The following STAP2 variants were observed in gnomAD, a reference collection of about 807,000 sequenced individuals.
The protein encoded by STAP2 is signal transducing adaptor family member 2, also known as signal-transducing adaptor protein 2.
Under a neutral mutation model 52.7 loss-of-function variants are expected in STAP2, and 58 were observed. The ratio of observed to expected loss-of-function variants is 1.10; its 90% CI spans 0.89 to 1.37. The LOEUF (loss-of-function observed/expected upper bound fraction) is 1.37, where lower values mean the gene tolerates loss of function less well. Ranked by LOEUF, STAP2 falls within the 40% of genes most tolerant of loss-of-function variation. The pLI, the probability that STAP2 is intolerant of heterozygous loss-of-function variation, is 0.00. For missense variants in STAP2, 522 were observed against 519.4 expected, an observed-to-expected ratio of 1.00 and a Z score of -0.05; for synonymous variants, 231 against 210.5, an observed-to-expected ratio of 1.10 and a Z score of -0.84.
intron 1 of STAP2, among the ~76,000 whole-genome samples, chr19:4,336,854 T>G (rs1971988399): frequency 6.6e-6 from 1 of 151,540 alleles, no homozygotes; most frequent in South Asian, 2.1e-4. Flanking sequence ...AGGTTGGTCT[T>G]GAACTCCTGA....
intron 8 of STAP2, 31 bp downstream of exon 8, chr19:4,327,093 G>C: frequency 1.2e-6 from 2 of 1,612,894 alleles, no homozygotes; most frequent in South Asian, 1.1e-5. Context: ...GGTGAGCACT[G>C]GGCCCCCGAA....
intron 9 of STAP2, among the ~76,000 whole-genome samples, chr19:4,326,499 C>T (rs1404452409): frequency 6.6e-6 from 1 of 152,136 alleles, no homozygotes; most frequent in Non-Finnish European, 1.5e-5. Flanking sequence ...CCGATTTCCA[C>T]CTCTTTCCCA....
At chr19:4,325,896 G>C (rs1971785147) in intron 9 of STAP2, among the ~76,000 whole-genome samples, 1 of 152,030 alleles carries the variant, frequency 6.6e-6, no homozygotes, top group South Asian at 2.1e-4. Context: ...TTGAACCTGG[G>C]AGGGAGAGGT....
In STAP2 at chr19:4,336,805, T is replaced by G. The variant is rs562574284; in HGVS notation, c.102+1847A>C. Among the ~76,000 whole-genome samples the G allele has an allele frequency of 3.0e-4, 45 of 151,980 alleles. No homozygotes were observed. In the East Asian group the frequency reaches 8.6e-3, roughly 29 times the overall value. ...CCTGGCACCATACCCAGCTAATTTT[T>G]GTATTTTTTAGTAGAGACGAGGTTT... On this transcript the variant is annotated intron_variant, in intron 1 of 12. Coordinates refer to ENST00000594605, the MANE Select transcript of STAP2 (RefSeq NM_001013841.2).
chr19:4,336,227 G>T lies in STAP2; in HGVS notation c.103-2183C>A, dbSNP rs570898874. Among the ~76,000 whole-genome samples the T allele has an allele frequency of 6.0e-5, 9 of 151,260 alleles. No individual in the cohort carries two copies. In the South Asian group the frequency reaches 1.3e-3, roughly 21 times the overall value. ...GGGGTTTCACTATATGTTGGCCAGG[G>T]TGTTCTCGAACTCCTGACCTCAAGT... On this transcript the variant is annotated intron_variant, in intron 1 of 12. Coordinates refer to ENST00000594605, the MANE Select transcript of STAP2 (RefSeq NM_001013841.2).
chr19:4,326,552 C>T (rs1568384823), intron 9 of STAP2, among the ~76,000 whole-genome samples: 1 of 148,752 alleles, frequency 6.7e-6, no homozygotes, highest in Non-Finnish European at 1.5e-5. Context: ...TACTGCTTGT[C>T]CGGGTGTACC....
In STAP2 at chr19:4,330,102, C is replaced by G. The variant is rs200785510; in HGVS notation, c.355-41G>C. ...GGGACAGTGACTGCACCTGGCCAGC[C>G]GGGAATGGACGGCTGTGCCCAAGTC... is the stretch of plus-strand genomic sequence containing the variant. On this transcript the variant is annotated intron_variant, in intron 4 of 12. Transcript: ENST00000594605. 5 of 1,520,434 alleles carry G rather than the reference C, an allele frequency of 3.3e-6. No homozygotes were observed. The East Asian group carries it at 1.1e-4, about 34-fold the overall frequency. 94.2% of individuals were successfully genotyped at this position (1,520,434 alleles called of 1,614,324 possible). A position where few individuals can be genotyped will look rare whatever the true frequency, so the allele number is the denominator to read the frequency against.
At chr19:4,327,477 A>C in intron 6 of STAP2, 92 bp from the exon 7 acceptor site, 1 of 1,386,354 alleles carries the variant, frequency 7.2e-7, no homozygotes, top group African/African-American at 1.4e-5. Context: ...CTCCGCCTCC[A>C]ATAGAAACAG....
intron 1 of STAP2, 129 bp from the exon 2 acceptor site, chr19:4,334,173 A>G: frequency 1.5e-6 from 1 of 668,920 alleles, no homozygotes; most frequent in Non-Finnish European, 2.4e-6. Context: ...GATCTTTATT[A>G]CCTCCTGCCT....
intron 5 of STAP2, 33 bp from the exon 6 acceptor site, chr19:4,328,842 C>T (rs748586382): frequency 1.9e-6 from 3 of 1,601,322 alleles, no homozygotes; most frequent in South Asian, 2.2e-5. Flanking sequence ...CTCGGGACCC[C>T]GGAGACCAAG....
chr19:4,328,577 T>C, intron 6 of STAP2, 98 bp downstream of exon 6: 1 of 1,479,126 alleles, frequency 6.8e-7, no homozygotes, highest in Non-Finnish European at 9.1e-7. Flanking sequence ...GCCTACCCAC[T>C]AGCGGGTCGG....
At chr19:4,338,523 C>T in intron 1 of STAP2, 129 bp downstream of exon 1, 1 of 854,060 alleles carries the variant, frequency 1.2e-6, no homozygotes, top group South Asian at 2.1e-5. Context: ...CCCAGTCCCC[C>T]AGCACGTGTC....
chr19:4,335,183 CCTCATCCATCCATCATCCATCCATCCA>C (rs1971962359), intron 1 of STAP2, among the ~76,000 whole-genome samples: 1 of 149,298 alleles, frequency 6.7e-6, no homozygotes, highest in Non-Finnish European at 1.5e-5. Context: ...TCCATCCATC[CCTCATCCATCCATCATCCATCCATCCA>C]CTCATCCCTC....
intron 12 of STAP2, 98 bp downstream of exon 12, chr19:4,324,357 C>T: frequency 7.5e-7 from 1 of 1,334,314 alleles, no homozygotes; most frequent in Admixed American, 2.1e-5. Flanking sequence ...GACAGCAGAA[C>T]CTTAAAAGAC....
rs1194318252 is a variant in STAP2, at chr19:4,328,713, G to A, written c.552C>T (p.Ala184=). ...GCCGCGTGGTGACCGACACGCCGTCGGCGCCGTCCCCGCTGGGCCGCAGCA... is the reference window on the plus strand; with the variant it reads ...GCCGCGTGGTGACCGACACGCCGTCAGCGCCGTCCCCGCTGGGCCGCAGCA... ...NLLLRPSGDG[A]DGVSVTTRQM... Residue 184 remains alanine, a synonymous_variant, in exon 6 of 13, where the codon GCC becomes GCT. Coordinates refer to ENST00000594605, the MANE Select transcript of STAP2 (RefSeq NM_001013841.2). 1 of 1,606,550 alleles carries A rather than the reference G, an allele frequency of 6.2e-7. No individual in the cohort carries two copies. The highest frequency in any genetic ancestry group is 8.5e-7 in the Non-Finnish European group (1 of 1,177,550).
chr19:4,329,207 C>T (rs1971847592), intron 5 of STAP2, among the ~76,000 whole-genome samples: 1 of 151,950 alleles, frequency 6.6e-6, no homozygotes, highest in East Asian at 1.9e-4. Context: ...TCAGGTGATC[C>T]GCCCGCCTCG....
At chr19:4,330,401 A>G (rs1211855943) in intron 4 of STAP2, among the ~76,000 whole-genome samples, 1 of 151,876 alleles carries the variant, frequency 6.6e-6, no homozygotes, top group Non-Finnish European at 1.5e-5. Flanking sequence ...AGACACCTGT[A>G]ATCCCAGCTA....
chr19:4,333,401 C>T (rs557889765), intron 3 of STAP2, among the ~76,000 whole-genome samples: 2 of 152,132 alleles, frequency 1.3e-5, no homozygotes, highest in East Asian at 3.9e-4. Context: ...GAGGCTGAGG[C>T]AGGAGAATCA....
At chr19:4,336,964 C>G (rs1971990099) in intron 1 of STAP2, among the ~76,000 whole-genome samples, 1 of 152,040 alleles carries the variant, frequency 6.6e-6, no homozygotes, top group African/African-American at 2.4e-5. Flanking sequence ...CTGCAGTGAT[C>G]TACTGGCTCT....
Sources: gnomAD v4.1 joint callset for allele counts (sites outside exome capture counted in the v4.1 genomes callset) on GRCh38, gnomAD v4.1.1 for gene constraint, MANE v1.5 for transcripts, NCBI Gene and HGNC (gene_info 2026-07-23, HGNC 2026-07-21) for gene names.